The following LRCH3 variants were observed in gnomAD, a reference collection of about 807,000 sequenced individuals.
LRCH3 encodes the protein DISP complex protein LRCH3.
A neutral mutation model predicts 104.5 loss-of-function variants in LRCH3; 68 were observed. The observed-to-expected ratio is 0.65, with a 90% CI of 0.54 to 0.80. The LOEUF (loss-of-function observed/expected upper bound fraction) is 0.80. Among genes scored for constraint, LRCH3 ranks in the 30% least tolerant of loss-of-function variants. The pLI, the probability that LRCH3 is intolerant of heterozygous loss-of-function variation, is 0.00. For synonymous variants in LRCH3, 344 were observed against 361.3 expected (o/e 0.95, Z 0.54); for missense variants, 951 against 953.9 (o/e 1.00, Z 0.04).
intron 10 of LRCH3, among the ~76,000 whole-genome samples, chr3:197,841,809 A>ATGTTTTT (rs1737830609): frequency 6.7e-6 from 1 of 148,262 alleles, no homozygotes; most frequent in Admixed American, 6.8e-5. Flanking sequence ...CTAGGATTAC[A>ATGTTTTT]TGTTTTGTTT....
rs921287413 is a variant in LRCH3 at position 197,840,235 on chromosome 3, C to T, written c.1328+838C>T. ...GGTGGATCATTTGAGGTCAGGAGTT[C>T]GAGACCAGCCTGGCCAACGTGGTGA... On this transcript the variant is annotated intron_variant, in intron 10 of 20. Transcript: ENST00000425562. 3.3e-5 allele frequency among the ~76,000 whole-genome samples: 5 copies of T among 151,952 alleles called. 1 individual carries two copies. Among genetic ancestry groups the T allele is most frequent in the African/African-American group, 4.8e-5 (2 of 41,378 alleles).
At chr3:197,832,467 A>ATAT in intron 8 of LRCH3, 150 bp downstream of exon 8, 1 of 717,542 alleles carries the variant, frequency 1.4e-6, no homozygotes, top group Non-Finnish European at 2.1e-6. Flanking sequence ...GAAAAATACT[A>ATAT]TTTTCCATTG....
chr3:197,836,740 C>T (rs557699728), intron 9 of LRCH3, among the ~76,000 whole-genome samples: 23 of 152,230 alleles, frequency 1.5e-4, no homozygotes, highest in South Asian at 1.0e-3. Context: ...TGCCTTGGCA[C>T]GATCTCGGCT....
chr3:197,876,201 TTCAG>T (rs1331462096), intron 20 of LRCH3: 5 of 153,056 alleles, frequency 3.3e-5, no homozygotes, highest in Admixed American at 3.3e-4. Context: ...TTTTGTATAC[TTCAG>T]TCAATTTCTT....
chr3:197,875,238 G>A (rs1456360398), intron 19 of LRCH3, among the ~76,000 whole-genome samples: 3 of 152,110 alleles, frequency 2.0e-5, no homozygotes, highest in Non-Finnish European at 4.4e-5. Context: ...CATTGCAACA[G>A]TTCTTATGGC....
chr3:197,872,360 GAAAAAAA>G (rs56254857), intron 19 of LRCH3, among the ~76,000 whole-genome samples: 11 of 105,384 alleles, frequency 1.0e-4, no homozygotes, highest in East Asian at 9.7e-4. Context: ...CTGTCTCAAA[GAAAAAAA>G]AAAAAAAAAA....
At chr3:197,860,444 C>G (rs1228075011) in intron 15 of LRCH3, among the ~76,000 whole-genome samples, 1 of 152,152 alleles carries the variant, frequency 6.6e-6, no homozygotes, top group African/African-American at 2.4e-5. Flanking sequence ...CTGGCTCACA[C>G]CTGTAATCCC....
Position 197,820,359 on chromosome 3 carries a change from C to T in LRCH3, c.569C>T (p.Ser190Phe), listed in dbSNP as rs755003093. ...VSCNEIQTIP[S>F]QIGNLEALRD... ...TGCAATGAAATTCAAACTATACCTT[C>T]CCAAATTGGTAACCTGGAGGCCTTG... The change falls in exon 4 of 21, where the codon TCC (serine) becomes TTC (phenylalanine). Residue 190 changes from serine to phenylalanine, a missense_variant. By Grantham distance (155) the Ser-to-Phe change is radical (BLOSUM62 -2). Transcript: ENST00000425562. The T allele has an allele frequency of 3.1e-6, 5 of 1,613,106 alleles. No individual in the cohort carries two copies. The East Asian group carries it at 8.9e-5, about 29-fold the overall frequency.
chr3:197,879,524 T>A lies in LRCH3; in HGVS notation c.2208+3749T>A, dbSNP rs1216970338. On this transcript the variant is annotated intron_variant, in intron 20 of 20. Transcript: ENST00000425562. ...AGCCGGGCGTGGTGGCGGGCGCCTG[T>A]AGTCCCAGCTGCTCGGGAGGCTGAG... 2.0e-5 allele frequency among the ~76,000 whole-genome samples: 3 copies of A among 151,562 alleles called. No homozygotes were observed. In the South Asian group the frequency reaches 6.2e-4, roughly 31 times the overall value.
intron 1 of LRCH3, among the ~76,000 whole-genome samples, chr3:197,793,782 G>A (rs1440501381): frequency 6.6e-6 from 1 of 151,958 alleles, no homozygotes; most frequent in East Asian, 1.9e-4. Flanking sequence ...CGTGTAAAAA[G>A]AAAATAAAAA....
intron 10 of LRCH3, 39 bp from the exon 11 acceptor site, chr3:197,847,370 C>G: frequency 6.5e-7 from 1 of 1,543,522 alleles, no homozygotes; most frequent in South Asian, 1.2e-5. Context: ...GTCTTTTTAT[C>G]AAAGAGTTTT....
chr3:197,844,634 T>C (rs1007243845), intron 10 of LRCH3, among the ~76,000 whole-genome samples: 8 of 148,552 alleles, frequency 5.4e-5, no homozygotes, highest in African/African-American at 2.0e-4. Context: ...TTTTTTTTTT[T>C]CCCAGATGGA....
chr3:197,839,137 TTTTG>T (rs1187988971), intron 9 of LRCH3, among the ~76,000 whole-genome samples, 180 bp from the exon 10 acceptor site: 4 of 152,224 alleles, frequency 2.6e-5, no homozygotes, highest in Non-Finnish European at 4.4e-5. Flanking sequence ...TTGTGAATGT[TTTTG>T]TTTATTAAAG....
chr3:197,817,051 C>T (rs934569725), intron 2 of LRCH3, 125 bp from the exon 3 acceptor site: 14 of 800,044 alleles, frequency 1.7e-5, no homozygotes, highest in Non-Finnish European at 3.8e-6. Context: ...GCTAGAACTC[C>T]AGTACCCTGT....
intron 20 of LRCH3, among the ~76,000 whole-genome samples, chr3:197,877,526 G>A (rs112811631): frequency 3.8e-4 from 43 of 112,992 alleles, no homozygotes; most frequent in African/African-American, 9.3e-4. Context: ...CGCACCCATG[G>A]CAGTGATTCT....
chr3:197,858,778 C>A, intron 14 of LRCH3, 56 bp from the exon 15 acceptor site: 1 of 1,397,614 alleles, frequency 7.2e-7, no homozygotes, highest in Non-Finnish European at 1.0e-6. Context: ...GCCTGCCTGA[C>A]ATTTGCTAAC....
chr3:197,863,409 C>A (rs909560942), intron 15 of LRCH3, among the ~76,000 whole-genome samples: 5 of 152,080 alleles, frequency 3.3e-5, no homozygotes, highest in Admixed American at 2.0e-4. Context: ...CTACAGGCGC[C>A]ACCACCATGC....
At chr3:197,820,492 G>A in intron 4 of LRCH3, 62 bp downstream of exon 4, 1 of 1,115,568 alleles carries the variant, frequency 9.0e-7, no homozygotes, top group Non-Finnish European at 1.3e-6. Flanking sequence ...AGCTCTCTCA[G>A]ACCAATCAAG....
At chr3:197,816,705 A>C (rs531717865) in intron 2 of LRCH3, among the ~76,000 whole-genome samples, 1 of 152,236 alleles carries the variant, frequency 6.6e-6, no homozygotes, top group East Asian at 1.9e-4. Flanking sequence ...TTTTTTCCAC[A>C]GAGCTACATT....
Sources: allele counts gnomAD v4.1 joint callset (sites outside exome capture counted in the v4.1 genomes callset), GRCh38; gene constraint gnomAD v4.1.1; transcripts MANE v1.5; gene names NCBI Gene and HGNC (gene_info 2026-07-23, HGNC 2026-07-21).